RPL28: variants seen among roughly 807,000 people sequenced by gnomAD.
The protein encoded by RPL28 is ribosomal protein L28.
Under a neutral mutation model 12.5 loss-of-function variants are expected in RPL28, and 4 were observed. The ratio of observed to expected loss-of-function variants is 0.32; its 90% CI spans 0.16 to 0.73. RPL28 has a LOEUF of 0.73. Ranked by LOEUF, RPL28 falls within the 30% of genes least tolerant of loss-of-function variation. The probability of loss-of-function intolerance (pLI) is 0.66; values close to 1 mark genes in which losing one functional copy is unlikely to be tolerated. For synonymous variants in RPL28, 91 were observed against 72.5 expected, an observed-to-expected ratio of 1.26 and a Z score of -1.30; for missense variants, 214 against 197.7, an observed-to-expected ratio of 1.08 and a Z score of -0.49.
At position 55,388,656 on chromosome 19, in the gene RPL28, G is replaced by A. The variant is rs2089960107; in HGVS notation, c.*324G>A. 8.7e-7 allele frequency: 1 copy of A among 1,153,362 alleles called. No individual in the cohort carries two copies. The highest frequency in any genetic ancestry group is 4.7e-5 in the Admixed American group (1 of 21,140). 71.4% of individuals were successfully genotyped at this position (1,153,362 alleles called of 1,614,324 possible). On this transcript the variant is annotated 3_prime_UTR_variant, in exon 5 of 5. Transcript: ENST00000344063. ...CTGGGGCAGTGGCTTCCATTCAGAA[G>A]AAGAAAGGCCTTTTCTAGCCCAGAA...
chr19:55,399,158 TTTC>T (rs1171450171), intron 4 of RPL28, among the ~76,000 whole-genome samples: 7 of 122,470 alleles, frequency 5.7e-5, no homozygotes, highest in African/African-American at 1.2e-4. Flanking sequence ...GGCTAATTTT[TTTC>T]TTTTCTTTTC....
chr19:55,390,560 C>T lies in RPL28; in HGVS notation c.*2228C>T. On this transcript the variant is annotated 3_prime_UTR_variant, in exon 5 of 5. Coordinates refer to ENST00000344063, the MANE Select transcript of RPL28 (RefSeq NM_000991.5). Reference sequence around the variant, plus strand: ...ACCACCTCCTTGCCTGCCCTGGAGGCTTGTGCCTCTAGGCCCCACCCCCTG... The same window carrying T: ...ACCACCTCCTTGCCTGCCCTGGAGGTTTGTGCCTCTAGGCCCCACCCCCTG... 1.0e-6 allele frequency: 1 copy of T among 985,648 alleles called. No homozygotes were observed. Among genetic ancestry groups the T allele is most frequent in the Non-Finnish European group, 1.2e-6 (1 of 830,082 alleles). 61.1% of individuals were successfully genotyped at this position (985,648 alleles called of 1,614,324 possible).
At chr19:55,402,522 T>G (rs2090067755) in intron 4 of RPL28, among the ~76,000 whole-genome samples, 1 of 152,196 alleles carries the variant, frequency 6.6e-6, no homozygotes, top group Non-Finnish European at 1.5e-5. Context: ...GAAGTGGGTC[T>G]GGGCAAACTG....
At chr19:55,401,559 A>G in intron 4 of RPL28, 1 of 1,609,790 alleles carries the variant, frequency 6.2e-7, no homozygotes, top group South Asian at 1.1e-5. Flanking sequence ...CTGGGGCCCC[A>G]GGGTCGGTGG....
At position 55,391,478 on chromosome 19, in the gene RPL28, A is replaced by G; in HGVS notation, c.*3146A>G. 1 of 1,377,592 alleles carries G rather than the reference A, an allele frequency of 7.3e-7. No individual in the cohort carries two copies. The allele number at this position is 1,377,592 out of a possible 1,614,324, so 85.3% of individuals were successfully genotyped here. On this transcript the variant is annotated 3_prime_UTR_variant, in exon 5 of 5. Transcript: ENST00000344063. Reference sequence around the variant, plus strand: ...CACCCTGGAAGGCTGCCAAGCCCAAAGTTGTGCAGAGCGCTGGGGACTCCA... The same window carrying G: ...CACCCTGGAAGGCTGCCAAGCCCAAGGTTGTGCAGAGCGCTGGGGACTCCA...
At chr19:55,398,203 CAAAAAG>C (rs141426493) in intron 4 of RPL28, among the ~76,000 whole-genome samples, 15,034 of 151,980 alleles carry the variant, frequency 0.099, 1,151 homozygotes, top group African/African-American at 0.2. Context: ...CTCAAAAAAA[CAAAAAG>C]AAAGAAATGG....
In RPL28 at chr19:55,386,557, G is replaced by T; in HGVS notation, c.82-13G>T. ...TCCCTTATTCACGATGCCTTGTGCC[G>T]CCTCCTTCCCAGGAGCCCAATAACT... is the stretch of plus-strand genomic sequence containing the variant. On this transcript the variant is annotated splice_polypyrimidine_tract_variant and intron_variant, in intron 2 of 4. Transcript: ENST00000344063. 6.2e-7 allele frequency: 1 copy of T among 1,601,530 alleles called. No homozygotes were observed. Among genetic ancestry groups the T allele is most frequent in the South Asian group, 1.1e-5 (1 of 90,876 alleles).
In RPL28 at chr19:55,388,405, G is replaced by T. The variant is rs545274114; in HGVS notation, c.*73G>T. ...TCGACTGGGCCTCCCTTTTTGAAAC[G>T]CTCTGGGGAGCTCTGGCCCTGTGTG... On this transcript the variant is annotated 3_prime_UTR_variant, in exon 5 of 5. Transcript: ENST00000344063. The T allele has an allele frequency of 7.1e-7, 1 of 1,415,238 alleles. No homozygotes were observed. Among genetic ancestry groups the T allele is most frequent in the Non-Finnish European group, 9.2e-7 (1 of 1,081,248 alleles). The allele number at this position is 1,415,238 out of a possible 1,614,324, so 87.7% of individuals were successfully genotyped here.
chr19:55,387,466 A>G, intron 3 of RPL28: 1 of 1,481,798 alleles, frequency 6.7e-7, no homozygotes, highest in South Asian at 1.4e-5. Flanking sequence ...GAAAGCTTTC[A>G]CCTCTTGGAT....
downstream of RPL28, among the ~76,000 whole-genome samples, chr19:55,395,513 G>A (rs184559552): frequency 2.0e-5 from 3 of 148,340 alleles, no homozygotes; most frequent in Non-Finnish European, 4.4e-5. Context: ...GCGCCATCTC[G>A]GCTCACTGCA....
In RPL28 at chr19:55,390,324, C is replaced by T; in HGVS notation, c.*1992C>T. 2 of 721,968 alleles carry T rather than the reference C, an allele frequency of 2.8e-6. No individual in the cohort carries two copies. The highest frequency in any genetic ancestry group is 6.3e-5 in the South Asian group (1 of 15,962). The allele number at this position is 721,968 out of a possible 1,614,324, so 44.7% of individuals were successfully genotyped here. On this transcript the variant is annotated 3_prime_UTR_variant, in exon 5 of 5. Transcript: ENST00000344063. ...GGTTCAAGCGATTCTCCTGCCTCAG[C>T]CTCCCGAGTAGCTGGGATTACAGGT...
intron 1 of RPL28, 107 bp downstream of exon 1, chr19:55,386,072 C>A: frequency 2.3e-6 from 1 of 431,854 alleles, no homozygotes; most frequent in Admixed American, 3.5e-5. Flanking sequence ...CATTGGCGGA[C>A]CCCAACCCCT....
At chr19:55,402,397 C>T (rs978497991) in intron 4 of RPL28, among the ~76,000 whole-genome samples, 6 of 152,184 alleles carry the variant, frequency 3.9e-5, no homozygotes, top group South Asian at 2.1e-4. Context: ...AGGTGCACTT[C>T]GAGGGTGGTC....
rs969104892 is a variant in RPL28 at position 55,389,571 on chromosome 19, T to A, written c.*1239T>A. ...GTAAGGGGACTGTCAGGGCCTCGAC[T>A]TGCCATTGGTTGGGGTCGTACGGGG... On this transcript the variant is annotated 3_prime_UTR_variant, in exon 5 of 5. Coordinates refer to ENST00000344063, the MANE Select transcript of RPL28 (RefSeq NM_000991.5). The A allele has an allele frequency of 2.0e-6, 2 of 985,380 alleles. No homozygotes were observed. The highest frequency in any genetic ancestry group is 1.2e-6 in the Non-Finnish European group (1 of 829,972). The allele number at this position is 985,380 out of a possible 1,614,324, so 61.0% of individuals were successfully genotyped here. A position where few individuals can be genotyped will look rare whatever the true frequency, so the allele number is the denominator to read the frequency against.
rs1436792963 is a variant in RPL28 at position 55,390,446 on chromosome 19, CCACCT to C, written c.*2115_*2119del. 1.0e-6 allele frequency: 1 copy of C among 983,300 alleles called. No homozygotes were observed. Among genetic ancestry groups the C allele is most frequent in the Non-Finnish European group, 1.2e-6 (1 of 828,146 alleles). 60.9% of individuals were successfully genotyped at this position (983,300 alleles called of 1,614,324 possible). On this transcript the variant is annotated 3_prime_UTR_variant, in exon 5 of 5. Transcript: ENST00000344063. ...TTTGGAACTCCTGACTTCAAATTACCCACCTGCCTCAGCCTCCCAAAGTGCTGGCA... is the reference window on the plus strand; with the variant it reads ...TTTGGAACTCCTGACTTCAAATTACCGCCTCAGCCTCCCAAAGTGCTGGCA...
intron 4 of RPL28, chr19:55,401,801 C>G (rs757212622): frequency 1.2e-6 from 2 of 1,608,116 alleles, no homozygotes; most frequent in Non-Finnish European, 1.7e-6. Flanking sequence ...GGTCGGGCAA[C>G]CTACAGGGAC....
chr19:55,389,824 A>G lies in RPL28; in HGVS notation c.*1492A>G. The G allele has an allele frequency of 1.0e-6, 1 of 984,490 alleles. No homozygotes were observed. Among genetic ancestry groups the G allele is most frequent in the Non-Finnish European group, 1.2e-6 (1 of 829,336 alleles). The allele number at this position is 984,490 out of a possible 1,614,324, so 61.0% of individuals were successfully genotyped here. A position where few individuals can be genotyped will look rare whatever the true frequency, so the allele number is the denominator to read the frequency against. ...TTGGTACCTGCTCAGGACCCCCCGC[A>G]CTGTCCCAATCCCACTCAGGCCCAC... is the stretch of plus-strand genomic sequence containing the variant. On this transcript the variant is annotated 3_prime_UTR_variant, in exon 5 of 5. Coordinates refer to ENST00000344063, the MANE Select transcript of RPL28 (RefSeq NM_000991.5).
intron 4 of RPL28, among the ~76,000 whole-genome samples, chr19:55,399,176 C>CTT (rs1397510792): frequency 7.0e-6 from 1 of 142,270 alleles, no homozygotes; most frequent in Non-Finnish European, 1.5e-5. Context: ...CTTTTCTTTT[C>CTT]TTTTCTTTGA....
chr19:55,388,020 A>G lies in RPL28; in HGVS notation c.296A>G (p.Lys99Arg). 1 of 1,613,794 alleles carries G rather than the reference A, an allele frequency of 6.2e-7. No individual in the cohort carries two copies. The highest frequency in any genetic ancestry group is 8.5e-7 in the Non-Finnish European group (1 of 1,179,884). ...TLSSIRHMIR[K>R]NKYRPDLRMA... ...AGCAGCATCAGACACATGATCCGCA[A>G]GAACAAGTACCGCCCCGACCTGCGC... The change falls in exon 4 of 5, where the codon AAG (lysine) becomes AGG (arginine). Residue 99 changes from lysine (K) to arginine (R), a missense_variant. Physicochemically the swap from Lys to Arg is conservative, Grantham distance 26. Transcript: ENST00000344063.
Sources: allele counts gnomAD v4.1 joint callset (sites outside exome capture counted in the v4.1 genomes callset), GRCh38; gene constraint gnomAD v4.1.1; transcripts MANE v1.5; gene names NCBI Gene and HGNC (gene_info 2026-07-23, HGNC 2026-07-21).